ATP2B2: variants seen among roughly 807,000 people sequenced by gnomAD.
ATP2B2 encodes ATPase plasma membrane Ca2+ transporting 2, also known as plasma membrane calcium-transporting ATPase 2.
A neutral mutation model predicts 120.0 loss-of-function variants in ATP2B2; 15 were observed. The ratio of observed to expected loss-of-function variants is 0.12; its 90% CI spans 0.08 to 0.19. The LOEUF (loss-of-function observed/expected upper bound fraction) is 0.19, where lower values mean the gene tolerates loss of function less well. Ranked by LOEUF, ATP2B2 falls within the 10% of genes least tolerant of loss-of-function variation. ATP2B2 has a pLI of 1.00. For synonymous variants in ATP2B2, 694 were observed against 700.3 expected, an observed-to-expected ratio of 0.99 and a Z score of 0.14; for missense variants, 1,045 against 1,719.8, an observed-to-expected ratio of 0.61 and a Z score of 6.94.
chr3:10,622,617 C>A (rs1405464575), intron 1 of ATP2B2, among the ~76,000 whole-genome samples: 1 of 152,170 alleles, frequency 6.6e-6, no homozygotes, highest in African/African-American at 2.4e-5. Context: ...GAAGCCATCC[C>A]AGCTGTTGGA....
At chr3:10,338,041 C>T in intron 22 of ATP2B2, 135 bp downstream of exon 22, 2 of 1,144,626 alleles carry the variant, frequency 1.7e-6, no homozygotes, top group South Asian at 2.9e-5. Context: ...CTGGTGAGAG[C>T]TGGCCGGGAC....
intron 12 of ATP2B2, among the ~76,000 whole-genome samples, chr3:10,362,065 G>A (rs986199851): frequency 1.3e-5 from 2 of 152,360 alleles, no homozygotes; most frequent in African/African-American, 4.8e-5. Flanking sequence ...AGGTGACTCA[G>A]GTGGAGCTGG....
chr3:10,494,964 C>G (rs989182006), intron 1 of ATP2B2, among the ~76,000 whole-genome samples: 1 of 152,226 alleles, frequency 6.6e-6, no homozygotes, highest in Non-Finnish European at 1.5e-5. Context: ...CCACAGTTTC[C>G]TCAATAGCAG....
intron 2 of ATP2B2, among the ~76,000 whole-genome samples, chr3:10,607,505 T>A (rs919510923): frequency 2.6e-5 from 4 of 152,152 alleles, no homozygotes; most frequent in Admixed American, 2.0e-4. Flanking sequence ...CCCCCAGGTA[T>A]CCCTGACCCC....
intron 2 of ATP2B2, among the ~76,000 whole-genome samples, chr3:10,430,947 A>T (rs936407772): frequency 2.0e-5 from 3 of 151,616 alleles, no homozygotes; most frequent in African/African-American, 7.3e-5. Context: ...GCTATTTCTG[A>T]TACTGAGATC....
At chr3:10,546,707 C>A (rs1234242007) in intron 2 of ATP2B2, among the ~76,000 whole-genome samples, 1 of 152,200 alleles carries the variant, frequency 6.6e-6, no homozygotes, top group Non-Finnish European at 1.5e-5. Context: ...CTCTGAGAGG[C>A]CACTAGCCTG....
intron 2 of ATP2B2, among the ~76,000 whole-genome samples, chr3:10,573,682 A>AT (rs1258601039): frequency 2.6e-5 from 4 of 152,184 alleles, no homozygotes; most frequent in Admixed American, 2.6e-4. Flanking sequence ...GAAATAGCCT[A>AT]TGCTGAGCCA....
intron 1 of ATP2B2, among the ~76,000 whole-genome samples, chr3:10,623,835 A>G (rs1337146106): frequency 6.6e-6 from 1 of 152,158 alleles, no homozygotes; most frequent in Non-Finnish European, 1.5e-5. Flanking sequence ...TGCCAGTAGC[A>G]CCCAAGGCCC....
intron 1 of ATP2B2, among the ~76,000 whole-genome samples, chr3:10,683,771 T>TGC (rs2071446716): frequency 1.3e-5 from 1 of 79,372 alleles, no homozygotes; most frequent in East Asian, 3.1e-4. Context: ...TATATATATA[T>TGC]ATATATATAT....
At chr3:10,429,849 A>G (rs1029186640) in intron 2 of ATP2B2, among the ~76,000 whole-genome samples, 4 of 152,242 alleles carry the variant, frequency 2.6e-5, no homozygotes, top group Non-Finnish European at 4.4e-5. Context: ...CACCTGAATG[A>G]TAAGAAAGTG....
upstream of ATP2B2, among the ~76,000 whole-genome samples, chr3:10,508,259 C>T (rs1203988726): frequency 6.6e-6 from 1 of 152,184 alleles, no homozygotes; most frequent in Non-Finnish European, 1.5e-5. Context: ...TGTGGGTATA[C>T]CCCAGTTCTA....
At chr3:10,469,261 T>G (rs1053941430) in intron 1 of ATP2B2, among the ~76,000 whole-genome samples, 2 of 152,258 alleles carry the variant, frequency 1.3e-5, no homozygotes, top group African/African-American at 4.8e-5. Context: ...CAAGAGGCAC[T>G]TTTTACACGT....
intron 1 of ATP2B2, among the ~76,000 whole-genome samples, chr3:10,668,287 G>A (rs532461487): frequency 6.6e-6 from 1 of 152,234 alleles, no homozygotes; most frequent in Non-Finnish European, 1.5e-5. Flanking sequence ...GAGGTTAAGC[G>A]ACTTGGTCAT....
At chr3:10,436,312 C>G (rs889329026) in intron 2 of ATP2B2, among the ~76,000 whole-genome samples, 1 of 152,244 alleles carries the variant, frequency 6.6e-6, no homozygotes, top group Non-Finnish European at 1.5e-5. Flanking sequence ...TATCTATTCT[C>G]TCTAGTAGAC....
At chr3:10,382,164 T>A (rs1030366101) in intron 8 of ATP2B2, among the ~76,000 whole-genome samples, 6 of 151,724 alleles carry the variant, frequency 4.0e-5, no homozygotes, top group Non-Finnish European at 8.8e-5. Context: ...TTGCTGGGAA[T>A]ATAGATGTGT....
At chr3:10,466,919 T>A (rs1374323313) in intron 1 of ATP2B2, among the ~76,000 whole-genome samples, 1 of 152,226 alleles carries the variant, frequency 6.6e-6, no homozygotes, top group Non-Finnish European at 1.5e-5. Context: ...GAGCAGAGCA[T>A]GCGGCCCCAC....
chr3:10,360,668 T>C (rs1202036698), intron 12 of ATP2B2, among the ~76,000 whole-genome samples: 1 of 152,214 alleles, frequency 6.6e-6, no homozygotes. Context: ...CTTCATCCAG[T>C]TTCCCCCAAT....
chr3:10,432,531 C>T (rs1323295279), intron 2 of ATP2B2, among the ~76,000 whole-genome samples: 4 of 152,206 alleles, frequency 2.6e-5, no homozygotes, highest in East Asian at 1.9e-4. Context: ...TTAACTGCAG[C>T]GGTTGAAAAA....
At chr3:10,527,773 G>A (rs374163000) in intron 3 of ATP2B2, among the ~76,000 whole-genome samples, 5 of 152,194 alleles carry the variant, frequency 3.3e-5, no homozygotes, top group African/African-American at 1.2e-4. Flanking sequence ...TGAATCACCC[G>A]GTGTCCCCGC....
Sources: allele counts gnomAD v4.1 joint callset (sites outside exome capture counted in the v4.1 genomes callset), GRCh38; gene constraint gnomAD v4.1.1; transcripts MANE v1.5; gene names NCBI Gene and HGNC (gene_info 2026-07-23, HGNC 2026-07-21).